The following CBFA2T3 variants were observed in gnomAD, a reference collection of about 807,000 sequenced individuals.
CBFA2T3 encodes the protein transcriptional corepressor CBFA2T3.
CBFA2T3 carries 31 observed loss-of-function variants against 58.6 expected under a neutral mutation model. The observed-to-expected ratio is 0.53, with a 90% CI of 0.40 to 0.71. The LOEUF is 0.71. Among genes scored for constraint, CBFA2T3 ranks in the 30% least tolerant of loss-of-function variants. CBFA2T3 has a pLI of 0.00. For synonymous variants in CBFA2T3, 531 were observed against 421.9 expected, an observed-to-expected ratio of 1.26 and a Z score of -3.17; for missense variants, 1,076 against 963.1, an observed-to-expected ratio of 1.12 and a Z score of -1.55.
At chr16:88,926,578 G>A (rs1413351898) in intron 1 of CBFA2T3, among the ~76,000 whole-genome samples, 1 of 152,228 alleles carries the variant, frequency 6.6e-6, no homozygotes, top group Admixed American at 6.5e-5. Flanking sequence ...CCCTGGGTCA[G>A]CCAACGAGCT....
intron 1 of CBFA2T3, among the ~76,000 whole-genome samples, chr16:88,913,277 G>A (rs1488003847): frequency 6.6e-6 from 1 of 152,246 alleles, no homozygotes; most frequent in African/African-American, 2.4e-5. Context: ...GCCACTTGGT[G>A]GAGCTGGACT....
chr16:88,897,992 G>A (rs546050148), intron 3 of CBFA2T3, 86 bp downstream of exon 3: 19 of 964,680 alleles, frequency 2.0e-5, no homozygotes, highest in African/African-American at 1.3e-4. Flanking sequence ...AGAGCTGAGC[G>A]CCCCCAGGGC....
intron 10 of CBFA2T3, among the ~76,000 whole-genome samples, chr16:88,880,219 G>A (rs1022007979): frequency 2.6e-5 from 4 of 151,804 alleles, no homozygotes; most frequent in African/African-American, 4.9e-5. Flanking sequence ...CCCCGGTACC[G>A]CTGCCCAACC....
In CBFA2T3 at chr16:88,907,730, C is replaced by T. The variant is rs1597709379; in HGVS notation, c.152-6074G>A. Among the ~76,000 whole-genome samples, 4 of 152,318 alleles carry T rather than the reference C, an allele frequency of 2.6e-5. No homozygotes were observed. In the East Asian group the frequency reaches 7.7e-4, roughly 29 times the overall value. On this transcript the variant is annotated intron_variant, in intron 1 of 11. Coordinates refer to ENST00000268679, the MANE Select transcript of CBFA2T3 (RefSeq NM_005187.6). ...CTCCCTCTGTGGCTTGGGCCTCTGC[C>T]AAGTGTCCTTCTCACTCCCCCTGCC...
chr16:88,917,167 C>T (rs554808892), intron 1 of CBFA2T3, among the ~76,000 whole-genome samples: 2 of 152,166 alleles, frequency 1.3e-5, no homozygotes, highest in Non-Finnish European at 2.9e-5. Context: ...ACCCCAGGCC[C>T]GGGCTGCAGG....
Position 88,895,043 on chromosome 16 carries a change from CCT to C in CBFA2T3, c.380-2560_380-2559del, listed in dbSNP as rs556467894. Among the ~76,000 whole-genome samples, 286 of 152,312 alleles carry C rather than the reference CCT, an allele frequency of 1.9e-3. 1 individual carries two copies. Among genetic ancestry groups the C allele is most frequent in the African/African-American group, 6.5e-3 (270 of 41,566 alleles). ...AGGTGACCCCTGCTGAGTGTTGTGG[CCT>C]CTGTCTGGACGGGAGGGAACATGGG... On this transcript the variant is annotated intron_variant, in intron 3 of 11. Transcript: ENST00000268679.
At chr16:88,897,438 A>G (rs527779556) in intron 3 of CBFA2T3, among the ~76,000 whole-genome samples, 5 of 152,346 alleles carry the variant, frequency 3.3e-5, no homozygotes, top group Non-Finnish European at 7.3e-5. Context: ...GTGGTTGACA[A>G]AAACTATAAC....
At position 88,885,906 on chromosome 16, in the gene CBFA2T3, G is replaced by A. The variant is rs1969349347; in HGVS notation, c.893+55C>T. ...CCCTCTCTTACCCAGAGGGGAGCAG[G>A]GTGAGCCGCGTGTCCACGGCACCCC... On this transcript the variant is annotated intron_variant, in intron 6 of 11. Transcript: ENST00000268679. This position sits in a 1 kb window ranked among gnomAD's most constrained non-coding sequence, Gnocchi z 5.3. 6.1e-6 allele frequency: 9 copies of A among 1,463,446 alleles called. No individual in the cohort carries two copies. Among genetic ancestry groups the A allele is most frequent in the Non-Finnish European group, 8.4e-6 (9 of 1,076,218 alleles). 90.7% of individuals were successfully genotyped at this position (1,463,446 alleles called of 1,614,324 possible).
intron 3 of CBFA2T3, among the ~76,000 whole-genome samples, 156 bp downstream of exon 3, chr16:88,897,922 C>T (rs748953715): frequency 3.2e-4 from 49 of 152,224 alleles, no homozygotes; most frequent in Non-Finnish European, 4.1e-4. Context: ...GCCCTCTTCT[C>T]CCTAAGGAGG....
chr16:88,908,401 G>A (rs1970410307), intron 1 of CBFA2T3, among the ~76,000 whole-genome samples: 1 of 151,966 alleles, frequency 6.6e-6, no homozygotes, highest in Non-Finnish European at 1.5e-5. Context: ...CGCTCCCCGG[G>A]GCCCATGGGA....
chr16:88,885,309 G>C lies in CBFA2T3; in HGVS notation c.894-40C>G. 1 of 1,409,300 alleles carries C rather than the reference G, an allele frequency of 7.1e-7. No individual in the cohort carries two copies. 87.3% of individuals were successfully genotyped at this position (1,409,300 alleles called of 1,614,324 possible). ...AGGTGGGGCGAGGGCAGTGGACATA[G>C]GATGAACCGGGGACAGAGGTGCAGG... On this transcript the variant is annotated intron_variant, in intron 6 of 11. Transcript: ENST00000268679. The surrounding 1 kb of genome is among the most constrained non-coding windows in gnomAD (Gnocchi z 5.3).
chr16:88,974,985 C>T (rs1403470367), intron 1 of CBFA2T3, among the ~76,000 whole-genome samples: 3 of 152,186 alleles, frequency 2.0e-5, no homozygotes, highest in Non-Finnish European at 4.4e-5. Flanking sequence ...GTTGCACGGA[C>T]AGAAGCCCCT....
intron 1 of CBFA2T3, among the ~76,000 whole-genome samples, chr16:88,916,966 T>C (rs76453559): frequency 0.078 from 11,698 of 149,860 alleles, 1,213 homozygotes; most frequent in African/African-American, 0.24. Flanking sequence ...GAGGGCTGCT[T>C]AGGAGGCTGA....
At chr16:88,900,759 A>C (rs114748487) in intron 2 of CBFA2T3, among the ~76,000 whole-genome samples, 7,866 of 152,314 alleles carry the variant, frequency 0.052, 315 homozygotes, top group African/African-American at 0.11. Flanking sequence ...AACTGGGCCA[A>C]AGAGCACCAA....
chr16:88,959,309 G>A (rs577588033), intron 1 of CBFA2T3, among the ~76,000 whole-genome samples: 1 of 152,356 alleles, frequency 6.6e-6, no homozygotes, highest in South Asian at 2.1e-4. Flanking sequence ...CCTGTTGGGG[G>A]AGCAGAGGGG....
intron 1 of CBFA2T3, among the ~76,000 whole-genome samples, chr16:88,975,227 G>GAT (rs1567644130): frequency 3.2e-4 from 29 of 90,248 alleles, no homozygotes; most frequent in South Asian, 6.9e-4. Context: ...CTCCTCACCT[G>GAT]CAGCCATGTC....
At position 88,901,525 on chromosome 16, in the gene CBFA2T3, G is replaced by A. The variant is rs761399630; in HGVS notation, c.283C>T (p.Pro95Ser). 1.1e-5 allele frequency: 16 copies of A among 1,477,968 alleles called. No individual in the cohort carries two copies. Among genetic ancestry groups the A allele is most frequent in the African/African-American group, 3.0e-5 (2 of 67,286 alleles). 91.6% of individuals were successfully genotyped at this position (1,477,968 alleles called of 1,614,324 possible). The change falls in exon 2 of 12, where the codon CCC becomes TCC. Residue 95 changes from proline (P) to serine (S), a missense_variant. Physicochemically the swap from Pro to Ser is moderately conservative, Grantham distance 74. Transcript: ENST00000268679. ...TTACGTGTGTGTGGCGTGAAGGAGG[G>A]GGGGCGTGTGGCCCCCTGGGATGCG... ...PAASQGATRP[P>S]SFTPHTHRED... is the part of the protein sequence containing the mutation.
intron 2 of CBFA2T3, among the ~76,000 whole-genome samples, chr16:88,900,967 TG>T (rs1310436516): frequency 6.6e-6 from 1 of 152,220 alleles, no homozygotes; most frequent in Non-Finnish European, 1.5e-5. Context: ...GCCCCCACCC[TG>T]GCCCCCGTGC....
chr16:88,923,128 G>A (rs1480002657), intron 1 of CBFA2T3, among the ~76,000 whole-genome samples: 3 of 152,210 alleles, frequency 2.0e-5, no homozygotes, highest in Non-Finnish European at 4.4e-5. Context: ...AGAGACGCGG[G>A]GGAGTTTGTG....
Sources: allele counts gnomAD v4.1 joint callset (sites outside exome capture counted in the v4.1 genomes callset), GRCh38; gene constraint gnomAD v4.1.1; non-coding constraint Gnocchi (gnomAD v3.1); transcripts MANE v1.5; gene names NCBI Gene and HGNC (gene_info 2026-07-23, HGNC 2026-07-21).